Variants in AADACL4 observed in about 807,000 individuals in gnomAD.
AADACL4 encodes arylacetamide deacetylase like 4.
In AADACL4, 9 loss-of-function variants were observed where a neutral mutation model predicts 14.1. The ratio of observed to expected loss-of-function variants is 0.64; its 90% CI spans 0.39 to 1.12. The LOEUF (loss-of-function observed/expected upper bound fraction) is 1.12, where lower values mean the gene tolerates loss of function less well. Ranked by LOEUF, AADACL4 falls within the 50% of genes most tolerant of loss-of-function variation. AADACL4 has a pLI of 0.01. For missense variants in AADACL4, 531 were observed against 516.1 expected, an observed-to-expected ratio of 1.03 and a Z score of -0.28; for synonymous variants, 188 against 201.6, an observed-to-expected ratio of 0.93 and a Z score of 0.57.
At chr1:12,651,688 C>T (rs1301938391) in intron 2 of AADACL4, among the ~76,000 whole-genome samples, 1 of 152,028 alleles carries the variant, frequency 6.6e-6, no homozygotes, top group East Asian at 1.9e-4. Context: ...CCATGTATTT[C>T]CCTCTAGCTC....
chr1:12,647,508 T>C (rs1159515991), intron 1 of AADACL4, among the ~76,000 whole-genome samples: 1 of 152,198 alleles, frequency 6.6e-6, no homozygotes, highest in African/African-American at 2.4e-5. Flanking sequence ...CAATTATTCA[T>C]AGTATGCTTA....
intron 1 of AADACL4, among the ~76,000 whole-genome samples, chr1:12,650,854 TG>T (rs1647140903): frequency 6.6e-6 from 1 of 152,178 alleles, no homozygotes; most frequent in Non-Finnish European, 1.5e-5. Flanking sequence ...TCTAAGTCAG[TG>T]GCTTCTTCCC....
rs1427621818 is a variant in AADACL4 at position 12,666,552 on chromosome 1, C to G, written c.1041C>G (p.Asp347Glu). Residue 347 changes from aspartate (D) to glutamate (E), a missense_variant, in exon 4 of 4, where the codon GAC becomes GAG. By Grantham distance (45) the Asp-to-Glu change is conservative. Transcript: ENST00000376221. ...PEAFLVSCENDILRDDSLLYK... is the reference protein window; with the variant it reads ...PEAFLVSCENEILRDDSLLYK... ...CCTTCCTGGTGAGCTGTGAGAATGA[C>G]ATACTCCGTGATGACAGCTTGCTCT... The G allele has an allele frequency of 6.2e-7, 1 of 1,614,120 alleles. No homozygotes were observed. Among genetic ancestry groups the G allele is most frequent in the African/African-American group, 1.3e-5 (1 of 74,930 alleles).
chr1:12,654,869 C>G (rs1038674556), intron 2 of AADACL4, among the ~76,000 whole-genome samples: 1 of 152,134 alleles, frequency 6.6e-6, no homozygotes, highest in South Asian at 2.1e-4. Flanking sequence ...TAGGGGTGAC[C>G]AGGTTAATTA....
In AADACL4 at chr1:12,666,349, AAGT is replaced by A. The variant is rs1319119207; in HGVS notation, c.840_842del (p.Lys280_Tyr281delinsAsn). 1.5e-5 allele frequency: 24 copies of A among 1,613,964 alleles called. No homozygotes were observed. Among genetic ancestry groups the A allele is most frequent in the Non-Finnish European group, 1.9e-5 (22 of 1,180,036 alleles). On this transcript the variant is annotated inframe_deletion, in exon 4 of 4. Transcript: ENST00000376221. ...TTGTGTACCCCCAGACGTCTGGAGG[AAGT>A]ACGAGAAGTGGCTCAGCCCTGACAA...
At chr1:12,649,948 G>A (rs1647135246) in intron 1 of AADACL4, among the ~76,000 whole-genome samples, 1 of 152,184 alleles carries the variant, frequency 6.6e-6, no homozygotes, top group Non-Finnish European at 1.5e-5. Context: ...GAACAACCCT[G>A]GGCAAGGAAC....
Position 12,651,238 on chromosome 1 carries a change from G to A in AADACL4, c.284G>A (p.Gly95Glu). The A allele has an allele frequency of 6.2e-7, 1 of 1,614,204 alleles. No homozygotes were observed. Among genetic ancestry groups the A allele is most frequent in the Non-Finnish European group, 8.5e-7 (1 of 1,180,034 alleles). The change falls in exon 2 of 4, where the codon GGG (glycine) becomes GAG (glutamate). Residue 95 changes from glycine to glutamate, a missense_variant. Gly to Glu is a moderately conservative substitution (Grantham distance 98). Coordinates refer to ENST00000376221, the MANE Select transcript of AADACL4 (RefSeq NM_001013630.2). Reference sequence around the variant, plus strand: ...CTTGTGGTGACCGACCTGCGTTTTGGGACGATACCCGTGAGGCTGTTCCAG... The same window carrying A: ...CTTGTGGTGACCGACCTGCGTTTTGAGACGATACCCGTGAGGCTGTTCCAG... ...PELVVTDLRF[G>E]TIPVRLFQPK...
At position 12,648,043 on chromosome 1, in the gene AADACL4, G is replaced by T. The variant is rs766137335; in HGVS notation, c.169-3080G>T. On this transcript the variant is annotated intron_variant, in intron 1 of 3. Coordinates refer to ENST00000376221, the MANE Select transcript of AADACL4 (RefSeq NM_001013630.2). The stretch of plus-strand genomic sequence containing the variant: ...TGCAGTTGTGCAATCTCAGCTCACT[G>T]CACTGCAACCTCTGCCTCCCAGGTT... Among the ~76,000 whole-genome samples the T allele has an allele frequency of 1.3e-4, 20 of 152,048 alleles. 1 individual carries two copies. The highest frequency in any genetic ancestry group is 2.2e-4 in the Non-Finnish European group (15 of 68,014).
intron 2 of AADACL4, among the ~76,000 whole-genome samples, chr1:12,657,384 T>C (rs1045317246): frequency 6.6e-6 from 1 of 152,148 alleles, no homozygotes; most frequent in Non-Finnish European, 1.5e-5. Flanking sequence ...CCAGTGGTTC[T>C]AAAATGGGAG....
At chr1:12,655,286 T>C (rs1230979477) in intron 2 of AADACL4, among the ~76,000 whole-genome samples, 1 of 151,934 alleles carries the variant, frequency 6.6e-6, no homozygotes, top group Non-Finnish European at 1.5e-5. Context: ...TAGGAGAGAG[T>C]AACTGGCCCC....
chr1:12,647,848 A>G (rs1484463825), intron 1 of AADACL4, among the ~76,000 whole-genome samples: 1 of 151,922 alleles, frequency 6.6e-6, no homozygotes, highest in Non-Finnish European at 1.5e-5. Context: ...TGTAGAGACC[A>G]GGTTTTGCCA....
Position 12,644,558 on chromosome 1 carries a change from C to A in AADACL4, c.12C>A (p.Pro4=). The change falls in exon 1 of 4, where the codon CCC becomes CCA. Residue 4 remains proline (P), a synonymous_variant. Transcript: ENST00000376221. MAV[P]WLVLLLALPI... ...AAGGCCCCAGGAACATGGCTGTCCCCTGGCTAGTGCTACTCTTGGCATTGC... is the reference window on the plus strand; with the variant it reads ...AAGGCCCCAGGAACATGGCTGTCCCATGGCTAGTGCTACTCTTGGCATTGC... 1 of 1,614,064 alleles carries A rather than the reference C, an allele frequency of 6.2e-7. No homozygotes were observed. Among genetic ancestry groups the A allele is most frequent in the Non-Finnish European group, 8.5e-7 (1 of 1,179,962 alleles).
At chr1:12,646,949 A>G (rs1023163669) in intron 1 of AADACL4, among the ~76,000 whole-genome samples, 2 of 152,170 alleles carry the variant, frequency 1.3e-5, no homozygotes, top group Admixed American at 6.5e-5. Flanking sequence ...GAGGACAAGG[A>G]AAAAGCTAAA....
chr1:12,665,936 G>A (rs771740526), intron 3 of AADACL4, 25 bp from the exon 4 acceptor site: 3 of 1,585,590 alleles, frequency 1.9e-6, no homozygotes, highest in South Asian at 2.3e-5. Context: ...CACTGGTGTA[G>A]TGTTGCTCCC....
At chr1:12,645,388 C>A (rs996741202) in intron 1 of AADACL4, among the ~76,000 whole-genome samples, 1 of 151,670 alleles carries the variant, frequency 6.6e-6, no homozygotes, top group Non-Finnish European at 1.5e-5. Context: ...AAACATTTAC[C>A]GAGTGCCAAT....
intron 2 of AADACL4, among the ~76,000 whole-genome samples, chr1:12,660,703 G>C (rs866400667): frequency 1.3e-5 from 2 of 152,084 alleles, no homozygotes; most frequent in Non-Finnish European, 2.9e-5. Flanking sequence ...GAGTGCAGTG[G>C]CATGATCTCG....
intron 2 of AADACL4, among the ~76,000 whole-genome samples, chr1:12,661,174 C>T (rs995830221): frequency 2.0e-5 from 3 of 152,202 alleles, no homozygotes; most frequent in African/African-American, 7.2e-5. Flanking sequence ...AATCCTGATG[C>T]CTGAGCTTCC....
intron 2 of AADACL4, among the ~76,000 whole-genome samples, chr1:12,653,548 G>C (rs547448599): frequency 6.6e-6 from 1 of 152,194 alleles, no homozygotes; most frequent in African/African-American, 2.4e-5. Flanking sequence ...AGAACAACAG[G>C]TATGGTTTAT....
intron 2 of AADACL4, among the ~76,000 whole-genome samples, chr1:12,652,813 C>T (rs75163186): frequency 0.012 from 1,754 of 152,212 alleles, 15 homozygotes; most frequent in Middle Eastern, 0.031. Context: ...TAAGGAGGTC[C>T]TAGGAGAAGC....
Sources: gnomAD v4.1 joint callset for allele counts (sites outside exome capture counted in the v4.1 genomes callset) on GRCh38, gnomAD v4.1.1 for gene constraint, MANE v1.5 for transcripts, NCBI Gene and HGNC (gene_info 2026-07-23, HGNC 2026-07-21) for gene names.